The following FAM114A2 variants were observed in gnomAD, a reference collection of about 807,000 sequenced individuals.
FAM114A2 encodes family with sequence similarity 114 member A2.
FAM114A2 carries 53 observed loss-of-function variants against 58.4 expected under a neutral mutation model. The observed-to-expected ratio is 0.91, with a 90% CI of 0.73 to 1.14. The LOEUF is 1.14. Ranked by LOEUF, FAM114A2 falls within the 50% of genes most tolerant of loss-of-function variation. The pLI, the probability that FAM114A2 is intolerant of heterozygous loss-of-function variation, is 0.00. For synonymous variants in FAM114A2, 228 were observed against 211.4 expected, an observed-to-expected ratio of 1.08 and a Z score of -0.68; for missense variants, 601 against 581.1, an observed-to-expected ratio of 1.03 and a Z score of -0.35.
chr5:154,011,376 G>A, intron 8 of FAM114A2, 56 bp from the exon 9 acceptor site: 1 of 1,221,796 alleles, frequency 8.2e-7, no homozygotes, highest in Non-Finnish European at 1.2e-6. Context: ...GGATCATGAG[G>A]TGGCAGGCGA....
At chr5:154,024,438 A>G (rs1040892756) in intron 8 of FAM114A2, among the ~76,000 whole-genome samples, 6 of 152,174 alleles carry the variant, frequency 3.9e-5, no homozygotes. Context: ...GTTTAGTGAG[A>G]ACAGTGCCAT....
At chr5:154,034,642 A>G (rs1247787377) in intron 2 of FAM114A2, 102 bp downstream of exon 2, 1 of 831,374 alleles carries the variant, frequency 1.2e-6, no homozygotes, top group African/African-American at 1.7e-5. Flanking sequence ...AAGAAATAAG[A>G]GCAATTCTAA....
Position 154,027,352 on chromosome 5 carries a change from C to T in FAM114A2, c.631-18G>A. On this transcript the variant is annotated intron_variant, in intron 6 of 13. Transcript: ENST00000351797. Reference sequence around the variant, plus strand: ...CGTAAAACCTAAAAAGAGATGGAGGCATTACACTGTAGCAAACAATGAGAG... The same window carrying T: ...CGTAAAACCTAAAAAGAGATGGAGGTATTACACTGTAGCAAACAATGAGAG... The T allele has an allele frequency of 6.2e-7, 1 of 1,600,968 alleles. No homozygotes were observed. The highest frequency in any genetic ancestry group is 1.1e-5 in the South Asian group (1 of 88,716).
rs545649031 is a variant in FAM114A2, at chr5:154,002,387, T to C, written c.1120A>G (p.Ile374Val). 2 of 1,613,584 alleles carry C rather than the reference T, an allele frequency of 1.2e-6. No homozygotes were observed. The highest frequency in any genetic ancestry group is 2.2e-5 in the South Asian group (2 of 91,048). Residue 374 changes from isoleucine to valine, a missense_variant, in exon 11 of 14, where the codon ATC becomes GTC. Transcript: ENST00000351797. ...AGGCTCCGGATTGCAAACGCATGGA[T>C]ATCCTGGATGGAAAAACAAAACAAA... Reference protein sequence around the residue: ...EQVNKNSIEDIHAFAIRSLAE... With the variant: ...EQVNKNSIEDVHAFAIRSLAE...
At chr5:154,006,518 C>T (rs970669871) in intron 9 of FAM114A2, among the ~76,000 whole-genome samples, 9 of 151,806 alleles carry the variant, frequency 5.9e-5, no homozygotes, top group Non-Finnish European at 1.2e-4. Flanking sequence ...AGAATAAAGG[C>T]CAGTAAGGAA....
At chr5:154,017,862 A>C (rs913981247) in intron 8 of FAM114A2, among the ~76,000 whole-genome samples, 9 of 152,222 alleles carry the variant, frequency 5.9e-5, no homozygotes, top group Non-Finnish European at 1.0e-4. Flanking sequence ...ATGGAAATTA[A>C]ATTCTTCAAA....
intron 12 of FAM114A2, 24 bp downstream of exon 12, chr5:153,997,779 G>A (rs368713377): frequency 2.8e-5 from 38 of 1,340,938 alleles, no homozygotes; most frequent in Non-Finnish European, 4.0e-5. Flanking sequence ...AAACATTATT[G>A]CAGTAAGAGG....
chr5:154,010,699 G>T (rs1014665299), intron 9 of FAM114A2, among the ~76,000 whole-genome samples: 13 of 152,170 alleles, frequency 8.5e-5, no homozygotes, highest in Non-Finnish European at 1.2e-4. Context: ...TCTGAGCTTT[G>T]ATTAAAGTCT....
At position 154,034,837 on chromosome 5, in the gene FAM114A2, T is replaced by C. The variant is rs1772441464; in HGVS notation, c.117A>G (p.Pro39=). 2.5e-6 allele frequency: 4 copies of C among 1,614,050 alleles called. No homozygotes were observed. Among genetic ancestry groups the C allele is most frequent in the Non-Finnish European group, 3.4e-6 (4 of 1,179,910 alleles). Residue 39 remains proline (P), a synonymous_variant, in exon 2 of 14, where the codon CCA becomes CCG. Coordinates refer to ENST00000351797, the MANE Select transcript of FAM114A2 (RefSeq NM_018691.4). ...NSESVDQGAK[P]ESKSEPVVST... ...AAACTACAGGTTCTGATTTACTCTC[T>C]GGTTTGGCACCTTGGTCAACAGACT...
At position 154,027,328 on chromosome 5, in the gene FAM114A2, G is replaced by A. The variant is rs781759624; in HGVS notation, c.637C>T (p.Arg213Ter). The change falls in exon 7 of 14, where the codon CGA (arginine) becomes TGA (stop). Residue 213 changes from arginine to a stop codon, truncating the protein, a stop_gained. Transcript: ENST00000351797. LOFTEE classifies it high-confidence loss of function. Reference sequence around the variant, plus strand: ...ATCTCTTCTTTCTCCTTCGCCTCTCGTAAAACCTAAAAAGAGATGGAGGCA... The same window carrying A: ...ATCTCTTCTTTCTCCTTCGCCTCTCATAAAACCTAAAAAGAGATGGAGGCA... ...NRNATLSQVL[R>*]EAKEKEEIRT... 6.7e-5 allele frequency: 107 copies of A among 1,608,954 alleles called. No individual in the cohort carries two copies. The highest frequency in any genetic ancestry group is 2.4e-4 in the Admixed American group (14 of 58,876).
chr5:154,026,951 T>G (rs1197351944), intron 7 of FAM114A2, among the ~76,000 whole-genome samples: 2 of 151,964 alleles, frequency 1.3e-5, no homozygotes, highest in African/African-American at 4.8e-5. Context: ...TTTGTTAACC[T>G]TTTTTGTTTA....
chr5:154,037,267 T>C (rs1772629394), intron 1 of FAM114A2: 1 of 152,194 alleles, frequency 6.6e-6, no homozygotes, highest in Non-Finnish European at 1.5e-5. Flanking sequence ...GAAAGGTAGA[T>C]TAAGACAACA....
chr5:154,003,114 A>G (rs1411482221), intron 9 of FAM114A2, 145 bp from the exon 10 acceptor site: 2 of 647,976 alleles, frequency 3.1e-6, no homozygotes, highest in Admixed American at 5.3e-5. Context: ...TCCTTATCCT[A>G]CTAGTCTCAG....
At chr5:154,030,315 G>A (rs888316546) in intron 4 of FAM114A2, among the ~76,000 whole-genome samples, 14 of 152,086 alleles carry the variant, frequency 9.2e-5, no homozygotes, top group South Asian at 4.1e-4. Flanking sequence ...ATTTCACATA[G>A]GAGAACAACC....
In FAM114A2 at chr5:154,002,438, G is replaced by A. The variant is rs74196375; in HGVS notation, c.1117-48C>T. 9,498 of 1,590,522 alleles carry A rather than the reference G, an allele frequency of 6.0e-3. 322 individuals are homozygous for A. The East Asian group carries it at 0.12, about 19-fold the overall frequency. The stretch of plus-strand genomic sequence containing the variant: ...GCATAGCAAAACAAAACATTTGGTG[G>A]AAAGATACCACCTTACTTCTCTCAT... On this transcript the variant is annotated intron_variant, in intron 10 of 13. Transcript: ENST00000351797.
intron 9 of FAM114A2, among the ~76,000 whole-genome samples, chr5:154,003,306 G>A (rs1401342006): frequency 1.3e-5 from 2 of 151,718 alleles, no homozygotes; most frequent in Non-Finnish European, 2.9e-5. Context: ...AGCCTCCCGA[G>A]TAGCTGGGAT....
intron 11 of FAM114A2, among the ~76,000 whole-genome samples, chr5:154,000,149 T>A (rs757608143): frequency 6.6e-6 from 1 of 152,044 alleles, no homozygotes; most frequent in South Asian, 2.1e-4. Flanking sequence ...AAAAACATGA[T>A]CTTACGGAAA....
At chr5:154,012,374 A>G (rs543137548) in intron 8 of FAM114A2, among the ~76,000 whole-genome samples, 2 of 152,208 alleles carry the variant, frequency 1.3e-5, no homozygotes, top group South Asian at 4.2e-4. Flanking sequence ...TTCCCTCTCC[A>G]CTCATCTGAA....
chr5:154,008,643 T>C (rs1359563312), intron 9 of FAM114A2, among the ~76,000 whole-genome samples: 2 of 151,456 alleles, frequency 1.3e-5, no homozygotes, highest in Non-Finnish European at 2.9e-5. Context: ...TAGACTTGGA[T>C]TGTACCCTCA....
Sources: allele counts gnomAD v4.1 joint callset (sites outside exome capture counted in the v4.1 genomes callset), GRCh38; gene constraint gnomAD v4.1.1; transcripts MANE v1.5; gene names NCBI Gene and HGNC (gene_info 2026-07-23, HGNC 2026-07-21).